Variants in TROAP observed in about 807,000 individuals in gnomAD.
TROAP encodes tastin.
Under a neutral mutation model 83.4 loss-of-function variants are expected in TROAP, and 62 were observed. The ratio of observed to expected loss-of-function variants is 0.74; its 90% confidence interval spans 0.61 to 0.92. The LOEUF (loss-of-function observed/expected upper bound fraction) is 0.92, where lower values mean the gene tolerates loss of function less well. TROAP is among the 40% of genes least tolerant of loss of function. The pLI is 0.00. For synonymous variants in TROAP, 352 were observed against 386.4 expected (o/e 0.91, Z 1.04); for missense variants, 876 against 985.1 (o/e 0.89, Z 1.48).
intron 3 of TROAP, 92 bp downstream of exon 3, chr12:49,324,129 C>A: frequency 6.2e-7 from 1 of 1,614,134 alleles, no homozygotes; most frequent in Non-Finnish European, 8.5e-7. Context: ...GCACTCACTC[C>A]TGCTGTCTCC....
At chr12:49,324,188 T>C in intron 3 of TROAP, 151 bp downstream of exon 3, 1 of 1,614,172 alleles carries the variant, frequency 6.2e-7, no homozygotes, top group Non-Finnish European at 8.5e-7. Flanking sequence ...CTCTTTGCTC[T>C]TAGAAGATCT....
rs1943489653 is a variant in TROAP at position 49,325,756 on chromosome 12, G to A, written c.505G>A (p.Ala169Thr). ...GTTQRVQGVR[A>T]SAYLAPRTPT... The stretch of plus-strand genomic sequence containing the variant: ...TCTGTTGGTGTCCCAGGGTGTTCGG[G>A]CCTCTGCATATTTGGCCCCCAGAAC... Residue 169 changes from alanine (A) to threonine (T), a missense_variant, in exon 5 of 15, where the codon GCC (alanine) becomes ACC (threonine). Physicochemically the swap from Ala to Thr is moderately conservative, Grantham distance 58. Coordinates refer to ENST00000257909, the MANE Select transcript of TROAP (RefSeq NM_005480.4). The A allele has an allele frequency of 6.2e-7, 1 of 1,613,772 alleles. No homozygotes were observed. Among genetic ancestry groups the A allele is most frequent in the East Asian group, 2.2e-5 (1 of 44,888 alleles).
At chr12:49,328,417 T>G (rs1943531962) in intron 8 of TROAP, among the ~76,000 whole-genome samples, 2 of 151,916 alleles carry the variant, frequency 1.3e-5, no homozygotes, top group African/African-American at 2.4e-5. Flanking sequence ...GAGACAGGAT[T>G]TCTCCATGTT....
chr12:49,325,385 A>T, intron 3 of TROAP, 116 bp from the exon 4 acceptor site: 1 of 1,079,316 alleles, frequency 9.3e-7, no homozygotes. Context: ...AAAAAAAAAT[A>T]AGCCAAATTC....
In TROAP at chr12:49,331,568, T is replaced by G; in HGVS notation, c.2293-5T>G. The G allele has an allele frequency of 6.2e-7, 1 of 1,614,134 alleles. No homozygotes were observed. The highest frequency in any genetic ancestry group is 8.5e-7 in the Non-Finnish European group (1 of 1,180,020). ...GAGCTGTGACAAGGTCTTCTCTGTC[T>G]CCAGTGTTTCATTCCAGTTGGTTCT... On this transcript the variant is annotated splice_polypyrimidine_tract_variant and splice_region_variant and intron_variant, in intron 14 of 14. Transcript: ENST00000257909.
At chr12:49,328,099 C>A (rs77761823) in intron 8 of TROAP, among the ~76,000 whole-genome samples, 4,372 of 150,940 alleles carry the variant, frequency 0.029, 192 homozygotes, top group African/African-American at 0.096. Flanking sequence ...AGCGATAACA[C>A]GATCAGATTG....
chr12:49,324,159 G>A (rs775036408), intron 3 of TROAP, 122 bp downstream of exon 3: 1 of 1,614,048 alleles, frequency 6.2e-7, no homozygotes, highest in African/African-American at 1.3e-5. Flanking sequence ...TGATAGTCCT[G>A]GTCCCAGCTC....
At chr12:49,326,504 T>C (rs1175600643) in intron 6 of TROAP, 164 bp from the exon 7 acceptor site, 2 of 860,614 alleles carry the variant, frequency 2.3e-6, no homozygotes, top group Non-Finnish European at 3.5e-6. Context: ...CAAGCTTGCC[T>C]TCACCTCTCT....
Position 49,330,720 on chromosome 12 carries a change from C to T in TROAP, c.1875C>T (p.Ser625=). 2 of 1,614,090 alleles carry T rather than the reference C, an allele frequency of 1.2e-6. No individual in the cohort carries two copies. The highest frequency in any genetic ancestry group is 1.7e-6 in the Non-Finnish European group (2 of 1,179,982). Residue 625 remains serine (S), a synonymous_variant, in exon 13 of 15, where the codon AGC becomes AGT. Coordinates refer to ENST00000257909, the MANE Select transcript of TROAP (RefSeq NM_005480.4). ...PPAEPGPLQP[S]TQGQSGPPGP... ...CAGAACCCGGGCCCCTTCAGCCCAG[C>T]ACCCAGGGGCAGTCTGGACCCCCAG...
chr12:49,331,416 CCAA>C lies in TROAP; in HGVS notation c.2292+11_2292+13del, dbSNP rs746949690. ...AATGGCAGGATGCCCTGGTGAGACT[CCAA>C]CCCACAGCCCAGCTGTGGCTGCACA... On this transcript the variant is annotated intron_variant, in intron 14 of 14. Coordinates refer to ENST00000257909, the MANE Select transcript of TROAP (RefSeq NM_005480.4). 6.2e-7 allele frequency: 1 copy of C among 1,611,476 alleles called. No individual in the cohort carries two copies. Among genetic ancestry groups the C allele is most frequent in the South Asian group, 1.1e-5 (1 of 90,836 alleles).
Position 49,323,637 on chromosome 12 carries a change from C to T in TROAP, c.29C>T (p.Pro10Leu), listed in dbSNP as rs562931167. The change falls in exon 2 of 15, where the codon CCC (proline) becomes CTC (leucine). Residue 10 changes from proline to leucine, a missense_variant. Physicochemically the swap from Pro to Leu is moderately conservative, Grantham distance 98. Transcript: ENST00000257909. MTTRQATKD[P>L]LLRGVSPTPS... ...ACCACCCGGCAAGCCACGAAGGATC[C>T]CCTCCTCCGGGGTGTATCTCCTACC... is the stretch of plus-strand genomic sequence containing the variant. 1 of 1,614,026 alleles carries T rather than the reference C, an allele frequency of 6.2e-7. No individual in the cohort carries two copies. Among genetic ancestry groups the T allele is most frequent in the Admixed American group, 1.7e-5 (1 of 59,984 alleles).
intron 13 of TROAP, 83 bp downstream of exon 13, chr12:49,331,026 A>C (rs1400365853): frequency 1.3e-6 from 2 of 1,572,168 alleles, no homozygotes; most frequent in Non-Finnish European, 1.7e-6. Flanking sequence ...CCCCTACCCC[A>C]GGCAATCTCA....
intron 12 of TROAP, 24 bp from the exon 13 acceptor site, chr12:49,330,121 C>T (rs761947342): frequency 4.3e-6 from 7 of 1,610,244 alleles, no homozygotes; most frequent in Non-Finnish European, 5.9e-6. Flanking sequence ...TGATGTCACA[C>T]TGGGGTGCTC....
chr12:49,327,485 C>G (rs188121517), intron 8 of TROAP, among the ~76,000 whole-genome samples, 155 bp downstream of exon 8: 43 of 152,292 alleles, frequency 2.8e-4, no homozygotes, highest in Non-Finnish European at 4.4e-5. Flanking sequence ...TGCACCCAGT[C>G]CCTCTCCAAT....
At chr12:49,324,470 T>G in intron 3 of TROAP, 1 of 330,440 alleles carries the variant, frequency 3.0e-6, no homozygotes, top group Non-Finnish European at 5.4e-6. Context: ...AACATGTATA[T>G]ACCTTGGCTT....
rs1186519804 is a variant in TROAP at position 49,327,335 on chromosome 12, G to T, written c.891+5G>T. The T allele has an allele frequency of 6.2e-7, 1 of 1,613,678 alleles. No homozygotes were observed. The highest frequency in any genetic ancestry group is 2.2e-5 in the East Asian group (1 of 44,878). Reference sequence around the variant, plus strand: ...CGAGAAATGTCACATACCAGGGTGAGATGCGACTCTCCTGGGATGGTGGGT... The same window carrying T: ...CGAGAAATGTCACATACCAGGGTGATATGCGACTCTCCTGGGATGGTGGGT... On this transcript the variant is annotated splice_donor_5th_base_variant and intron_variant, in intron 8 of 14. Coordinates refer to ENST00000257909, the MANE Select transcript of TROAP (RefSeq NM_005480.4).
intron 6 of TROAP, 36 bp downstream of exon 6, chr12:49,326,194 G>C: frequency 1.2e-6 from 2 of 1,601,880 alleles, no homozygotes; most frequent in Non-Finnish European, 1.7e-6. Flanking sequence ...AGGTCATCTG[G>C]AAAAGAATGA....
chr12:49,323,900 G>T lies in TROAP; in HGVS notation c.200G>T (p.Gly67Val). ...NIQRPLVDSA[G>V]PRPKARHQAE... ...CAACGCCCCCTCGTTGATTCAGCAG[G>T]CCCCAGGCCGAAAGCCAGGCACCAG... is the stretch of plus-strand genomic sequence containing the variant. Residue 67 changes from glycine to valine, a missense_variant, in exon 3 of 15, where the codon GGC becomes GTC. Physicochemically the swap from Gly to Val is moderately radical, Grantham distance 109 (BLOSUM62 -3). This residue lies in a region of TROAP where 689 missense variants were observed against 722.6 expected (regional missense o/e 0.95). Coordinates refer to ENST00000257909, the MANE Select transcript of TROAP (RefSeq NM_005480.4). 1 of 1,614,060 alleles carries T rather than the reference G, an allele frequency of 6.2e-7. No individual in the cohort carries two copies. Among genetic ancestry groups the T allele is most frequent in the Non-Finnish European group, 8.5e-7 (1 of 1,180,046 alleles).
At chr12:49,325,395 C>A (rs943631957) in intron 3 of TROAP, 106 bp from the exon 4 acceptor site, 10 of 1,110,046 alleles carry the variant, frequency 9.0e-6, no homozygotes, top group South Asian at 1.8e-5. Context: ...AAGCCAAATT[C>A]AATTGAATGA....
Sources: gnomAD v4.1 joint callset for allele counts (sites outside exome capture counted in the v4.1 genomes callset) on GRCh38, gnomAD v4.1.1 for gene constraint, gnomAD v4.1.1 regional missense constraint, MANE v1.5 for transcripts, NCBI Gene and HGNC (gene_info 2026-07-23, HGNC 2026-07-21) for gene names.